The following KIF26B variants were observed in gnomAD, a reference collection of about 807,000 sequenced individuals.
KIF26B encodes kinesin family member 26B, also known as kinesin-like protein KIF26B.
A neutral mutation model predicts 151.2 loss-of-function variants in KIF26B; 63 were observed. That is an observed-to-expected ratio of 0.42 (90% CI 0.34 to 0.51). KIF26B has a LOEUF of 0.51. KIF26B is among the 20% of genes least tolerant of loss of function. The pLI, the probability that KIF26B is intolerant of heterozygous loss-of-function variation, is 0.07. For synonymous variants in KIF26B, 1,357 were observed against 1,262.1 expected (o/e 1.08, Z -1.59); for missense variants, 2,813 against 2,913.6 (o/e 0.97, Z 0.79).
intron 4 of KIF26B, among the ~76,000 whole-genome samples, chr1:245,480,084 C>T (rs756267787): frequency 2.7e-5 from 4 of 150,298 alleles, no homozygotes; most frequent in Non-Finnish European, 4.5e-5. Flanking sequence ...GGCAACATGG[C>T]GTGACCCTGT....
chr1:245,342,866 G>A (rs948147187), intron 2 of KIF26B, among the ~76,000 whole-genome samples: 3 of 152,160 alleles, frequency 2.0e-5, no homozygotes, highest in South Asian at 4.2e-4. Flanking sequence ...GTGGCAGATC[G>A]CCTGAGGTCA....
chr1:245,349,440 A>G (rs1672520170), intron 2 of KIF26B, among the ~76,000 whole-genome samples: 1 of 152,164 alleles, frequency 6.6e-6, no homozygotes, highest in African/African-American at 2.4e-5. Context: ...TTGTTTTACT[A>G]CAGGACCACA....
intron 4 of KIF26B, among the ~76,000 whole-genome samples, chr1:245,535,833 A>G (rs1333009574): frequency 2.0e-5 from 3 of 152,194 alleles, no homozygotes; most frequent in Non-Finnish European, 4.4e-5. Flanking sequence ...TATTCTTTCA[A>G]AGGATCATTG....
intron 3 of KIF26B, among the ~76,000 whole-genome samples, chr1:245,398,565 G>A (rs1558150568): frequency 6.6e-6 from 1 of 151,988 alleles, no homozygotes; most frequent in Non-Finnish European, 1.5e-5. Context: ...AGGGACCCAA[G>A]CTCATAGCCA....
chr1:245,259,461 T>G (rs1443989440), intron 2 of KIF26B, among the ~76,000 whole-genome samples: 1 of 152,098 alleles, frequency 6.6e-6, no homozygotes, highest in Non-Finnish European at 1.5e-5. Context: ...TCAGATCAGT[T>G]GTCATGATTC....
intron 4 of KIF26B, among the ~76,000 whole-genome samples, chr1:245,490,836 A>G (rs1660394316): frequency 6.6e-6 from 1 of 152,162 alleles, no homozygotes; most frequent in Non-Finnish European, 1.5e-5. Flanking sequence ...TCTCTGTTGC[A>G]TTTATTGCTG....
At chr1:245,617,309 G>A (rs1157442336) in intron 9 of KIF26B, among the ~76,000 whole-genome samples, 2 of 152,154 alleles carry the variant, frequency 1.3e-5, no homozygotes, top group African/African-American at 2.4e-5. Context: ...TGTTGGCCAC[G>A]CTGGTCTCGA....
intron 2 of KIF26B, among the ~76,000 whole-genome samples, chr1:245,193,249 A>G (rs1669139869): frequency 1.3e-5 from 2 of 152,218 alleles, no homozygotes; most frequent in Admixed American, 1.3e-4. Flanking sequence ...CATGGTGTAT[A>G]TGAGCCACAT....
At chr1:245,388,602 G>C (rs1036439434) in intron 3 of KIF26B, among the ~76,000 whole-genome samples, 1 of 152,122 alleles carries the variant, frequency 6.6e-6, no homozygotes, top group Non-Finnish European at 1.5e-5. Context: ...TCTGCCTCCC[G>C]CCTTCCCTAG....
intron 2 of KIF26B, among the ~76,000 whole-genome samples, chr1:245,293,052 G>A (rs1211786624): frequency 6.6e-6 from 1 of 152,164 alleles, no homozygotes; most frequent in African/African-American, 2.4e-5. Context: ...GTGCCACAAA[G>A]ATAATATAAT....
rs1331595530 is a variant in KIF26B at position 245,684,411 on chromosome 1, G to A, written c.2421+16G>A. 17 of 1,565,974 alleles carry A rather than the reference G, an allele frequency of 1.1e-5. No individual in the cohort carries two copies. Among genetic ancestry groups the A allele is most frequent in the Non-Finnish European group, 1.5e-5 (17 of 1,152,208 alleles). On this transcript the variant is annotated intron_variant, in intron 11 of 14. Coordinates refer to ENST00000407071, the MANE Select transcript of KIF26B (RefSeq NM_018012.4). ...GAAGACGAAGGTAAGGAGCTCGCGG[G>A]GTGGGGGGGTGGTGGATGAGGGAGC...
rs1660859272 is a variant in KIF26B at position 245,512,488 on chromosome 1, A to C, written c.1167-28279A>C. On this transcript the variant is annotated intron_variant, in intron 4 of 14. Coordinates refer to ENST00000407071, the MANE Select transcript of KIF26B (RefSeq NM_018012.4). The surrounding 1 kb of genome is among the most constrained non-coding windows in gnomAD (Gnocchi z 4.3). ...TCTGTGAGCAGTAGAATGAGATCAT[A>C]TCTTACAAACCTGACCCAAAGTGTT... Among the ~76,000 whole-genome samples the C allele has an allele frequency of 6.6e-6, 1 of 152,164 alleles. No homozygotes were observed. The highest frequency in any genetic ancestry group is 1.5e-5 in the Non-Finnish European group (1 of 68,024).
intron 2 of KIF26B, among the ~76,000 whole-genome samples, chr1:245,287,492 CTCTCTCT>C (rs1202434348): frequency 1.8e-4 from 24 of 136,550 alleles, no homozygotes; most frequent in African/African-American, 6.7e-4. Flanking sequence ...TCTCATCTCT[CTCTCTCT>C]TTTTTTTTTT....
intron 10 of KIF26B, among the ~76,000 whole-genome samples, chr1:245,683,221 G>A (rs4658795): frequency 0.2 from 29,957 of 152,068 alleles, 3,150 homozygotes; most frequent in Non-Finnish European, 0.22. Flanking sequence ...CAGGGGATGG[G>A]TGATGAGACA....
At chr1:245,397,966 G>A (rs547036393) in intron 3 of KIF26B, among the ~76,000 whole-genome samples, 1 of 152,230 alleles carries the variant, frequency 6.6e-6, no homozygotes, top group Non-Finnish European at 1.5e-5. Flanking sequence ...GTAATTTTTG[G>A]CTGACTTGCA....
chr1:245,587,921 G>A lies in KIF26B; in HGVS notation c.1351-14656G>A, dbSNP rs563291136. Among the ~76,000 whole-genome samples the A allele has an allele frequency of 5.9e-5, 9 of 152,306 alleles. 1 individual carries two copies. The highest frequency in any genetic ancestry group is 1.7e-4 in the African/African-American group (7 of 41,570). On this transcript the variant is annotated intron_variant, in intron 5 of 14. Transcript: ENST00000407071. ...GGCAAGCAGCAGCTGCAAAGCATCC[G>A]TCCCAGCACATGATAAATGCTTCTG... is the stretch of plus-strand genomic sequence containing the variant.
intron 3 of KIF26B, among the ~76,000 whole-genome samples, chr1:245,394,642 T>A (rs930430928): frequency 7.3e-5 from 11 of 150,090 alleles, no homozygotes; most frequent in South Asian, 4.2e-4. Flanking sequence ...AAAATAAAAA[T>A]ATAAAAATAT....
chr1:245,435,223 G>T (rs1225548674), intron 4 of KIF26B, among the ~76,000 whole-genome samples: 1 of 152,056 alleles, frequency 6.6e-6, no homozygotes, highest in Non-Finnish European at 1.5e-5. Flanking sequence ...TGTATGCCAG[G>T]TATTGTGTTA....
chr1:245,656,130 C>T (rs2044070458), intron 10 of KIF26B, among the ~76,000 whole-genome samples: 1 of 152,164 alleles, frequency 6.6e-6, no homozygotes, highest in South Asian at 2.1e-4. Flanking sequence ...AACAGATGAT[C>T]TGCATTCTTG....
Sources: gnomAD v4.1 joint callset for allele counts (sites outside exome capture counted in the v4.1 genomes callset) on GRCh38, gnomAD v4.1.1 for gene constraint, Gnocchi (gnomAD v3.1) non-coding constraint, MANE v1.5 for transcripts, NCBI Gene and HGNC (gene_info 2026-07-23, HGNC 2026-07-21) for gene names.